PXDNL: variants seen among roughly 807,000 people sequenced by gnomAD.
PXDNL encodes probable oxidoreductase PXDNL.
In PXDNL, 145 loss-of-function variants were observed where a neutral mutation model predicts 150.8. That is an observed-to-expected ratio of 0.96 (90% CI 0.84 to 1.10). The LOEUF (loss-of-function observed/expected upper bound fraction) is 1.10, where lower values mean the gene tolerates loss of function less well. Ranked by LOEUF, PXDNL falls within the 50% of genes least tolerant of loss-of-function variation. The pLI is 0.00. For missense variants in PXDNL, 2,087 were observed against 1,873.9 expected (o/e 1.11, Z -2.10); for synonymous variants, 757 against 725.7 (o/e 1.04, Z -0.69).
At chr8:51,715,603 A>G (rs1816599486) in intron 1 of PXDNL, among the ~76,000 whole-genome samples, 1 of 152,174 alleles carries the variant, frequency 6.6e-6, no homozygotes, top group Non-Finnish European at 1.5e-5. Context: ...CTGCGGCAGA[A>G]CGTAACAAAA....
At chr8:51,677,196 T>G (rs1451352712) in intron 1 of PXDNL, among the ~76,000 whole-genome samples, 1 of 152,230 alleles carries the variant, frequency 6.6e-6, no homozygotes, top group African/African-American at 2.4e-5. Flanking sequence ...TGAGTAATTT[T>G]CTGTTGTTCA....
intron 1 of PXDNL, among the ~76,000 whole-genome samples, chr8:51,731,755 A>C (rs1232245542): frequency 1.3e-5 from 2 of 152,188 alleles, no homozygotes; most frequent in Non-Finnish European, 2.9e-5. Flanking sequence ...CATGCTCAAC[A>C]CCATGTATAA....
chr8:51,652,387 TC>T (rs1182710280), intron 2 of PXDNL, among the ~76,000 whole-genome samples: 4 of 151,182 alleles, frequency 2.6e-5, no homozygotes, highest in African/African-American at 9.8e-5. Context: ...AATCTCTCTC[TC>T]TCTCTCTCTC....
chr8:51,532,071 G>T (rs1254966687), intron 4 of PXDNL, among the ~76,000 whole-genome samples: 3 of 138,880 alleles, frequency 2.2e-5, no homozygotes, highest in South Asian at 2.4e-4. Flanking sequence ...GAGGTTGCGG[G>T]TCTGGTCTGT....
At chr8:51,342,129 TAA>T (rs1421406457) in intron 20 of PXDNL, among the ~76,000 whole-genome samples, 1 of 152,078 alleles carries the variant, frequency 6.6e-6, no homozygotes, top group East Asian at 1.9e-4. Context: ...GATCTCATGT[TAA>T]GTGTTCTTAT....
intron 4 of PXDNL, among the ~76,000 whole-genome samples, chr8:51,511,760 G>A (rs1014454583): frequency 6.6e-6 from 1 of 152,170 alleles, no homozygotes; most frequent in African/African-American, 2.4e-5. Context: ...AGAAGTGCCC[G>A]AGAAGGGGGA....
chr8:51,790,078 G>A (rs2037496280), intron 1 of PXDNL, among the ~76,000 whole-genome samples: 2 of 152,082 alleles, frequency 1.3e-5, no homozygotes, highest in South Asian at 2.1e-4. Context: ...GTTATTCAAG[G>A]ATAATTAAAT....
chr8:51,416,386 C>T (rs1291361151), intron 14 of PXDNL, among the ~76,000 whole-genome samples: 1 of 152,126 alleles, frequency 6.6e-6, no homozygotes. Flanking sequence ...GATGTTTTTG[C>T]TTTTATTCTG....
intron 1 of PXDNL, among the ~76,000 whole-genome samples, chr8:51,656,063 A>G (rs1815143673): frequency 6.6e-6 from 1 of 152,226 alleles, no homozygotes; most frequent in Non-Finnish European, 1.5e-5. Flanking sequence ...GTTAGGCCCA[A>G]GGAGAAGTAT....
intron 2 of PXDNL, among the ~76,000 whole-genome samples, chr8:51,637,572 G>A (rs555519593): frequency 2.0e-5 from 3 of 152,276 alleles, no homozygotes; most frequent in Non-Finnish European, 2.9e-5. Context: ...TTCAGTAGCC[G>A]ATTCTATCAA....
chr8:51,597,417 G>GT (rs892914799), intron 2 of PXDNL, among the ~76,000 whole-genome samples: 6 of 152,004 alleles, frequency 3.9e-5, no homozygotes, highest in South Asian at 2.1e-4. Flanking sequence ...TTTTAGAATA[G>GT]TTTTTTTCCA....
intron 16 of PXDNL, 127 bp from the exon 17 acceptor site, chr8:51,409,688 C>T (rs1808573468): frequency 4.7e-6 from 3 of 633,352 alleles, no homozygotes; most frequent in Non-Finnish European, 7.6e-6. Flanking sequence ...GCCTTTCTTA[C>T]TTCCAAAAAC....
At chr8:51,495,403 T>C (rs1300597850) in intron 5 of PXDNL, among the ~76,000 whole-genome samples, 1 of 152,020 alleles carries the variant, frequency 6.6e-6, no homozygotes, top group Non-Finnish European at 1.5e-5. Flanking sequence ...ATTCAAAAGC[T>C]AGCAGAAGGC....
intron 2 of PXDNL, among the ~76,000 whole-genome samples, chr8:51,622,233 C>T (rs1585627559): frequency 1.3e-5 from 2 of 152,224 alleles, no homozygotes; most frequent in East Asian, 3.9e-4. Context: ...TCCACAATTC[C>T]AGGAACTGAA....
chr8:51,543,127 T>A (rs909687823), intron 4 of PXDNL, among the ~76,000 whole-genome samples: 9 of 152,130 alleles, frequency 5.9e-5, no homozygotes, highest in Non-Finnish European at 1.2e-4. Flanking sequence ...TTATAAACAA[T>A]ACCAAGAAAC....
chr8:51,752,555 T>C (rs1018139698), intron 1 of PXDNL, among the ~76,000 whole-genome samples: 12 of 152,136 alleles, frequency 7.9e-5, no homozygotes, highest in African/African-American at 2.9e-4. Context: ...AGAAGGGCTA[T>C]TTAATACAGA....
intron 1 of PXDNL, among the ~76,000 whole-genome samples, chr8:51,705,844 C>T (rs1056512335): frequency 9.2e-4 from 132 of 143,222 alleles, no homozygotes; most frequent in African/African-American, 1.5e-3. Flanking sequence ...CGCGCGCGCG[C>T]GCGCGCGCGT....
chr8:51,324,073 T>C (rs1805413167), intron 21 of PXDNL, among the ~76,000 whole-genome samples: 1 of 152,180 alleles, frequency 6.6e-6, no homozygotes, highest in South Asian at 2.1e-4. Context: ...CTATCACCCA[T>C]GTGTTCATTG....
intron 1 of PXDNL, among the ~76,000 whole-genome samples, chr8:51,655,341 G>A (rs780708563): frequency 4.6e-5 from 7 of 152,058 alleles, no homozygotes; most frequent in African/African-American, 1.5e-4. Flanking sequence ...AAATAATTGC[G>A]TGTCAGCTAT....
Sources: allele counts gnomAD v4.1 joint callset (sites outside exome capture counted in the v4.1 genomes callset), GRCh38; gene constraint gnomAD v4.1.1; transcripts MANE v1.5; gene names NCBI Gene and HGNC (gene_info 2026-07-23, HGNC 2026-07-21).